ZNRF1: variants seen among roughly 807,000 people sequenced by gnomAD.
The protein encoded by ZNRF1 is zinc and ring finger 1.
In ZNRF1, 3 loss-of-function variants were observed where a neutral mutation model predicts 18.4. That is an observed-to-expected ratio of 0.16 (90% CI 0.07 to 0.42). ZNRF1 has a LOEUF of 0.42. ZNRF1 is among the 10% of genes least tolerant of loss of function. The probability of loss-of-function intolerance (pLI) is 0.99; values close to 1 mark genes in which losing one functional copy is unlikely to be tolerated. For synonymous variants in ZNRF1, 157 were observed against 144.2 expected (o/e 1.09, Z -0.64); for missense variants, 310 against 329.8 (o/e 0.94, Z 0.47).
chr16:75,008,071 G>A (rs2034946165), intron 1 of ZNRF1, among the ~76,000 whole-genome samples: 3 of 151,832 alleles, frequency 2.0e-5, no homozygotes, highest in African/African-American at 4.8e-5. Flanking sequence ...TAGAGAAGGG[G>A]TCTCACCATG....
chr16:75,064,500 G>A (rs2035779050), intron 1 of ZNRF1, among the ~76,000 whole-genome samples: 1 of 150,720 alleles, frequency 6.6e-6, no homozygotes, highest in Non-Finnish European at 1.5e-5. Context: ...AGGTTGCAGT[G>A]AGCCAAGATC....
At chr16:75,068,525 T>C (rs2035831954) in intron 1 of ZNRF1, among the ~76,000 whole-genome samples, 1 of 152,142 alleles carries the variant, frequency 6.6e-6, no homozygotes, top group Non-Finnish European at 1.5e-5. Flanking sequence ...TCACGGATTG[T>C]CTACTTGATT....
intron 1 of ZNRF1, among the ~76,000 whole-genome samples, chr16:75,018,999 C>T (rs925800628): frequency 1.3e-5 from 2 of 152,008 alleles, no homozygotes; most frequent in Non-Finnish European, 2.9e-5. Flanking sequence ...AACCCTGTCT[C>T]TACTGAAAAT....
Position 74,999,788 on chromosome 16 carries a change from G to A in ZNRF1, c.117G>A (p.Thr39=), listed in dbSNP as rs1416422603. Residue 39 remains threonine, a synonymous_variant, in exon 1 of 5, where the codon ACG becomes ACA. Transcript: ENST00000335325. ...CGCCCCATTTCGGGCACTACCGGACGGGCGGCGGGGCCATGGGGCTGCGCA... is the reference window on the plus strand; with the variant it reads ...CGCCCCATTTCGGGCACTACCGGACAGGCGGCGGGGCCATGGGGCTGCGCA... The part of the protein sequence containing the change: ...GGAPHFGHYR[T]GGGAMGLRSR... 1.4e-6 allele frequency: 2 copies of A among 1,414,154 alleles called. No homozygotes were observed. The highest frequency in any genetic ancestry group is 1.8e-6 in the Non-Finnish European group (2 of 1,090,686). The allele number at this position is 1,414,154 out of a possible 1,614,324, so 87.6% of individuals were successfully genotyped here. A position where few individuals can be genotyped will look rare whatever the true frequency, so the allele number is the denominator to read the frequency against.
At position 75,030,833 on chromosome 16, in the gene ZNRF1, CTTTTTTTT is replaced by C. The variant is rs59468839; in HGVS notation, c.424+30753_424+30760del. 4.5e-3 allele frequency among the ~76,000 whole-genome samples: 413 copies of C among 91,444 alleles called. 2 individuals carry two copies. The highest frequency in any genetic ancestry group is 0.014 in the South Asian group (36 of 2,512). The allele number at this position is 91,444 out of a possible 152,430, so 60.0% of individuals were successfully genotyped here. ...CATTGTAGCATGCAGCACTTTATTCCTTTTTTTTTTTTTTTTTTTTTTGTTAAGACGGA... is the reference window on the plus strand; with the variant it reads ...CATTGTAGCATGCAGCACTTTATTCCTTTTTTTTTTTTTTGTTAAGACGGA... On this transcript the variant is annotated intron_variant, in intron 1 of 4. Coordinates refer to ENST00000335325, the MANE Select transcript of ZNRF1 (RefSeq NM_032268.5).
chr16:75,003,554 A>C (rs961987475), intron 1 of ZNRF1, among the ~76,000 whole-genome samples: 2 of 152,186 alleles, frequency 1.3e-5, no homozygotes, highest in Admixed American at 1.3e-4. Context: ...ACACAAGATC[A>C]GGTGGTTAGT....
At chr16:75,079,323 T>C (rs746725820) in intron 1 of ZNRF1, among the ~76,000 whole-genome samples, 9 of 151,966 alleles carry the variant, frequency 5.9e-5, no homozygotes, top group Admixed American at 2.6e-4. Context: ...CTACTAAAAA[T>C]ACAAAAATTC....
chr16:74,999,112 C>T lies in ZNRF1; in HGVS notation c.-560C>T, dbSNP rs1226060094. The stretch of plus-strand genomic sequence containing the variant: ...CTGGCGGGGCCGGCGGCGGCTGAAG[C>T]GAGAGCGCGACGCGACGCGACCGCG... On this transcript the variant is annotated 5_prime_UTR_variant, in exon 1 of 5. Transcript: ENST00000335325. The T allele has an allele frequency of 2.7e-5, 4 of 148,094 alleles. No individual in the cohort carries two copies. The highest frequency in any genetic ancestry group is 9.8e-5 in the African/African-American group (4 of 41,000). The allele number at this position is 148,094 out of a possible 1,614,324, so 9.2% of individuals were successfully genotyped here.
intron 1 of ZNRF1, 96 bp downstream of exon 1, chr16:75,000,191 C>G (rs1433277681): frequency 1.3e-6 from 2 of 1,483,910 alleles, no homozygotes; most frequent in East Asian, 4.9e-5. Flanking sequence ...TAGTGCACGA[C>G]CGGGATCTGT....
At chr16:75,008,394 C>G (rs2034951145) in intron 1 of ZNRF1, among the ~76,000 whole-genome samples, 1 of 152,160 alleles carries the variant, frequency 6.6e-6, no homozygotes, top group Non-Finnish European at 1.5e-5. Context: ...GTCGCCTTTC[C>G]TTCTGCACTT....
chr16:75,074,650 A>G (rs546879349), intron 1 of ZNRF1, among the ~76,000 whole-genome samples: 1 of 152,192 alleles, frequency 6.6e-6, no homozygotes, highest in African/African-American at 2.4e-5. Flanking sequence ...AAACCAAGAC[A>G]TGGACACCTC....
intron 1 of ZNRF1, among the ~76,000 whole-genome samples, chr16:75,009,335 A>T (rs933333071): frequency 1.3e-5 from 2 of 152,214 alleles, no homozygotes; most frequent in African/African-American, 4.8e-5. Flanking sequence ...TTAAGTGTAC[A>T]GTTCAGTGGT....
chr16:75,027,552 C>T (rs1160909578), intron 1 of ZNRF1, among the ~76,000 whole-genome samples: 1 of 152,126 alleles, frequency 6.6e-6, no homozygotes, highest in Admixed American at 6.6e-5. Flanking sequence ...GCCCATTGAA[C>T]CTATTTTCTT....
At chr16:75,037,382 T>G (rs918117311) in intron 1 of ZNRF1, among the ~76,000 whole-genome samples, 2 of 152,162 alleles carry the variant, frequency 1.3e-5, no homozygotes, top group Non-Finnish European at 2.9e-5. Context: ...ACAGTCTCCC[T>G]CTGTCACCCA....
intron 1 of ZNRF1, among the ~76,000 whole-genome samples, chr16:75,073,158 C>CTCTCTCTCTCTG: frequency 6.6e-6 from 1 of 150,998 alleles, no homozygotes; most frequent in African/African-American, 2.4e-5. Context: ...CTCTCTGTCT[C>CTCTCTCTCTCTG]TCTGTCTATA....
chr16:75,094,206 A>G (rs1425468286), intron 2 of ZNRF1, among the ~76,000 whole-genome samples: 4 of 152,170 alleles, frequency 2.6e-5, no homozygotes, highest in African/African-American at 7.2e-5. Context: ...ACGGGGGACT[A>G]TGTGTGACAT....
chr16:75,067,889 ACT>A lies in ZNRF1; in HGVS notation c.425-25680_425-25679del, dbSNP rs796869916. On this transcript the variant is annotated intron_variant, in intron 1 of 4. Coordinates refer to ENST00000335325, the MANE Select transcript of ZNRF1 (RefSeq NM_032268.5). ...TATCTACAAATCTGAAATCCAGAACACTCTGAAAATTAAATGCTTTTTCTTAA... is the reference window on the plus strand; with the variant it reads ...TATCTACAAATCTGAAATCCAGAACACTGAAAATTAAATGCTTTTTCTTAA... Among the ~76,000 whole-genome samples the A allele has an allele frequency of 2.9e-4, 44 of 152,316 alleles. 2 individuals are homozygous for A. Among genetic ancestry groups the A allele is most frequent in the African/African-American group, 1.0e-3 (43 of 41,572 alleles).
At chr16:75,043,320 TC>T (rs1373606502) in intron 1 of ZNRF1, among the ~76,000 whole-genome samples, 1 of 152,234 alleles carries the variant, frequency 6.6e-6, no homozygotes, top group Admixed American at 6.5e-5. Flanking sequence ...CATGGTTTTA[TC>T]TTTTCAGAAG....
chr16:75,019,531 A>G (rs2035117005), intron 1 of ZNRF1, among the ~76,000 whole-genome samples: 1 of 152,130 alleles, frequency 6.6e-6, no homozygotes, highest in Admixed American at 6.6e-5. Context: ...CTACACAGTC[A>G]GTTTTCATAA....
Sources: gnomAD v4.1 joint callset for allele counts (sites outside exome capture counted in the v4.1 genomes callset) on GRCh38, gnomAD v4.1.1 for gene constraint, MANE v1.5 for transcripts, NCBI Gene and HGNC (gene_info 2026-07-23, HGNC 2026-07-21) for gene names.